The following ZNF426 variants were observed in gnomAD, a reference collection of about 807,000 sequenced individuals.
The protein encoded by ZNF426 is CTC-543D15.7.
ZNF426 carries 23 observed loss-of-function variants against 24.0 expected under a neutral mutation model. The observed-to-expected ratio is 0.96, with a 90% CI of 0.69 to 1.36. The LOEUF is 1.36. Among genes scored for constraint, ZNF426 ranks in the 40% most tolerant of loss-of-function variants. The pLI, the probability that ZNF426 is intolerant of heterozygous loss-of-function variation, is 0.00. For synonymous variants in ZNF426, 272 were observed against 224.6 expected (o/e 1.21, Z -1.89); for missense variants, 646 against 658.4 (o/e 0.98, Z 0.21).
chr19:9,535,203 T>C lies in ZNF426; in HGVS notation c.102A>G (p.Leu34=), dbSNP rs774574130. Residue 34 remains leucine (L), a synonymous_variant, in exon 4 of 8, where the codon CTA becomes CTG. Coordinates refer to ENST00000253115, the MANE Select transcript of ZNF426 (RefSeq NM_024106.3). ...TPAGRIVADC[L]TDCYQDSVTF... ...TGCTTTTTACCTGATAACAATCTGTTAGGCAGTCAGCCACTATTCTTCCTG... is the reference window on the plus strand; with the variant it reads ...TGCTTTTTACCTGATAACAATCTGTCAGGCAGTCAGCCACTATTCTTCCTG... The C allele has an allele frequency of 2.5e-6, 4 of 1,613,276 alleles. No homozygotes were observed. The East Asian group carries it at 6.7e-5, about 27-fold the overall frequency.
In ZNF426 at chr19:9,532,924, T is replaced by A; in HGVS notation, c.246A>T (p.Gly82=). 2 of 1,612,634 alleles carry A rather than the reference T, an allele frequency of 1.2e-6. No individual in the cohort carries two copies. Among genetic ancestry groups the A allele is most frequent in the Non-Finnish European group, 8.5e-7 (1 of 1,178,778 alleles). ...LENYKNLATV[G]GQIIKPSLIS... ...TTAGACTGGGTTTGATGATCTGACC[T>A]CCTGAGCACAGAGAAATACATTAAT... Residue 82 remains glycine, a splice_region_variant and synonymous_variant, in exon 6 of 8, where the codon GGA becomes GGT. Coordinates refer to ENST00000253115, the MANE Select transcript of ZNF426 (RefSeq NM_024106.3).
intron 3 of ZNF426, 57 bp from the exon 4 acceptor site, chr19:9,535,336 T>C (rs1488186519): frequency 3.9e-6 from 5 of 1,265,988 alleles, no homozygotes; most frequent in Admixed American, 1.9e-5. Flanking sequence ...CACATCCACC[T>C]ACCTAGAGGT....
In ZNF426 at chr19:9,529,590, C is replaced by G; in HGVS notation, c.455G>C (p.Gly152Ala). 1 of 1,605,404 alleles carries G rather than the reference C, an allele frequency of 6.2e-7. No individual in the cohort carries two copies. The highest frequency in any genetic ancestry group is 8.5e-7 in the Non-Finnish European group (1 of 1,179,458). Residue 152 changes from glycine to alanine, a missense_variant, in exon 8 of 8, where the codon GGA (glycine) becomes GCA (alanine). Gly to Ala is a moderately conservative substitution (Grantham distance 60, BLOSUM62 0). Coordinates refer to ENST00000253115, the MANE Select transcript of ZNF426 (RefSeq NM_024106.3). ...GCATGAGTGTTCACTGAAGACTTCT[C>G]CACATTGCTCACAGTCACAGAGTTC... ...GRELCDCEQCGEVFSEHSCLK... is the reference protein window; with the variant it reads ...GRELCDCEQCAEVFSEHSCLK...
At chr19:9,530,708 A>G (rs1211667536) in intron 7 of ZNF426, among the ~76,000 whole-genome samples, 1 of 152,002 alleles carries the variant, frequency 6.6e-6, no homozygotes, top group Non-Finnish European at 1.5e-5. Context: ...GACTATACTG[A>G]GCCATGATTG....
rs1358952978 is a variant in ZNF426 at position 9,523,957 on chromosome 19, C to T, written c.*4423G>A. On this transcript the variant is annotated 3_prime_UTR_variant, in exon 8 of 8. Transcript: ENST00000253115. The stretch of plus-strand genomic sequence containing the variant: ...TTATTATAGTCATCAAGTTATTCTC[C>T]AGCATACATTGCATATGAATATTAA... 6.6e-6 allele frequency: 1 copy of T among 152,236 alleles called. No homozygotes were observed. Among genetic ancestry groups the T allele is most frequent in the African/African-American group, 2.4e-5 (1 of 41,454 alleles). The allele number at this position is 152,236 out of a possible 1,614,324, so 9.4% of individuals were successfully genotyped here. A position where few individuals can be genotyped will look rare whatever the true frequency, so the allele number is the denominator to read the frequency against.
Position 9,529,888 on chromosome 19 carries a change from T to TG in ZNF426, c.409-253dup, listed in dbSNP as rs1279536257. On this transcript the variant is annotated intron_variant, in intron 7 of 7. Transcript: ENST00000253115. ...TAATCCCAGCACTTTGGGAGTCCGA[T>TG]GGGGGGCAGATCACCTGAGGTCAGG... Among the ~76,000 whole-genome samples the TG allele has an allele frequency of 6.6e-5, 10 of 151,464 alleles. No individual in the cohort carries two copies. The South Asian group carries it at 2.1e-3, about 32-fold the overall frequency.
rs2073792810 is a variant in ZNF426 at position 9,526,459 on chromosome 19, T to C, written c.*1921A>G. ...AGAACCACAAAGAAATGCTAGAAATTGAAGACAGTGTAACAGAAATGAAGA... is the reference window on the plus strand; with the variant it reads ...AGAACCACAAAGAAATGCTAGAAATCGAAGACAGTGTAACAGAAATGAAGA... On this transcript the variant is annotated 3_prime_UTR_variant, in exon 8 of 8. Coordinates refer to ENST00000253115, the MANE Select transcript of ZNF426 (RefSeq NM_024106.3). The C allele has an allele frequency of 1.3e-5, 2 of 151,980 alleles. No homozygotes were observed. Among genetic ancestry groups the C allele is most frequent in the Non-Finnish European group, 2.9e-5 (2 of 68,020 alleles). The allele number at this position is 151,980 out of a possible 1,614,324, so 9.4% of individuals were successfully genotyped here.
chr19:9,536,128 C>A, intron 3 of ZNF426, 80 bp downstream of exon 3: 5 of 1,586,820 alleles, frequency 3.2e-6, no homozygotes, highest in Non-Finnish European at 4.3e-6. Context: ...GCAACATGAC[C>A]AGCTGCCCAA....
intron 2 of ZNF426, among the ~76,000 whole-genome samples, chr19:9,537,629 T>C (rs1436956765): frequency 4.0e-5 from 6 of 151,598 alleles, no homozygotes. Flanking sequence ...TCAATGTAGC[T>C]TAAAATGCAC....
chr19:9,528,862 C>T lies in ZNF426; in HGVS notation c.1183G>A (p.Val395Ile). The change falls in exon 8 of 8, where the codon GTT (valine) becomes ATT (isoleucine). Residue 395 changes from valine to isoleucine, a missense_variant. By Grantham distance (29) the Val-to-Ile change is conservative. Coordinates refer to ENST00000253115, the MANE Select transcript of ZNF426 (RefSeq NM_024106.3). Reference protein sequence around the residue: ...THTGEKPFVCVECGKAFAVSS... With the variant: ...THTGEKPFVCIECGKAFAVSS... The stretch of plus-strand genomic sequence containing the variant: ...ACTGCAAAGGCTTTCCCACATTCAA[C>T]ACATACAAAAGGCTTCTCTCCAGTG... 4 of 1,613,578 alleles carry T rather than the reference C, an allele frequency of 2.5e-6. No homozygotes were observed. The highest frequency in any genetic ancestry group is 3.4e-6 in the Non-Finnish European group (4 of 1,179,902).
At chr19:9,531,956 G>A (rs781537614) in intron 6 of ZNF426, among the ~76,000 whole-genome samples, 8 of 152,184 alleles carry the variant, frequency 5.3e-5, no homozygotes, top group Non-Finnish European at 1.2e-4. Context: ...TTGCACTCCA[G>A]CCTGGGCGAC....
rs375082926 is a variant in ZNF426, at chr19:9,529,160, G to T, written c.885C>A (p.Leu295=). 1.2e-6 allele frequency: 2 copies of T among 1,614,044 alleles called. No homozygotes were observed. Among genetic ancestry groups the T allele is most frequent in the African/African-American group, 2.7e-5 (2 of 74,906 alleles). ...CAGTGTGGGTTCGCATGTGAATACTGAGGTAGGCTGGGTATCTATAGCCTT... is the reference window on the plus strand; with the variant it reads ...CAGTGTGGGTTCGCATGTGAATACTTAGGTAGGCTGGGTATCTATAGCCTT... ...CGKGYRYPAY[L]SIHMRTHTGE... Residue 295 remains leucine, a synonymous_variant, in exon 8 of 8, where the codon CTC becomes CTA. Transcript: ENST00000253115.
At chr19:9,530,772 CCAAAA>C (rs1191577863) in intron 7 of ZNF426, among the ~76,000 whole-genome samples, 2 of 151,964 alleles carry the variant, frequency 1.3e-5, no homozygotes, top group South Asian at 4.2e-4. Context: ...CAAAAAAACA[CCAAAA>C]CAAAACTCAA....
chr19:9,534,593 C>CT (rs571095790), intron 4 of ZNF426, among the ~76,000 whole-genome samples: 29 of 148,548 alleles, frequency 2.0e-4, no homozygotes, highest in East Asian at 4.0e-4. Flanking sequence ...TTAAAGGACA[C>CT]TTTTTTTTTT....
At chr19:9,536,609 C>T in intron 2 of ZNF426, 1 of 268,500 alleles carries the variant, frequency 3.7e-6, no homozygotes, top group South Asian at 4.5e-5. Flanking sequence ...AATGCAAGTA[C>T]AAGTTTTGCA....
chr19:9,523,327 G>C lies in ZNF426; in HGVS notation c.*5053C>G, dbSNP rs1164487554. 6.6e-6 allele frequency: 1 copy of C among 152,076 alleles called. No individual in the cohort carries two copies. The highest frequency in any genetic ancestry group is 1.5e-5 in the Non-Finnish European group (1 of 68,016). The allele number at this position is 152,076 out of a possible 1,614,324, so 9.4% of individuals were successfully genotyped here. A position where few individuals can be genotyped will look rare whatever the true frequency, so the allele number is the denominator to read the frequency against. ...TCCTCTATAATGAGCCTTAAAAGAA[G>C]GATCTCCTCCAGGAATCTCTCTTTG... is the stretch of plus-strand genomic sequence containing the variant. On this transcript the variant is annotated 3_prime_UTR_variant, in exon 8 of 8. Coordinates refer to ENST00000253115, the MANE Select transcript of ZNF426 (RefSeq NM_024106.3).
Position 9,529,038 on chromosome 19 carries a change from T to G in ZNF426, c.1007A>C (p.Tyr336Ser). The G allele has an allele frequency of 6.2e-7, 1 of 1,613,530 alleles. No individual in the cohort carries two copies. The highest frequency in any genetic ancestry group is 8.5e-7 in the Non-Finnish European group (1 of 1,179,762). ...GGCTTTCCCACATTCCTTACATACA[T>G]AGGGTTTCTCTCCAGTGTGAGTTCT... ...HGRTHTGEKP[Y>S]VCKECGKAFT... The change falls in exon 8 of 8, where the codon TAT becomes TCT. Residue 336 changes from tyrosine (Y) to serine (S), a missense_variant. Transcript: ENST00000253115.
intron 3 of ZNF426, among the ~76,000 whole-genome samples, chr19:9,535,910 C>T (rs733102): frequency 0.17 from 26,295 of 151,662 alleles, 3,611 homozygotes; most frequent in African/African-American, 0.38. Flanking sequence ...CAGTCCTAAA[C>T]GTGATGATGA....
At chr19:9,532,512 G>A (rs1384682001) in intron 6 of ZNF426, among the ~76,000 whole-genome samples, 2 of 151,836 alleles carry the variant, frequency 1.3e-5, no homozygotes, top group Non-Finnish European at 2.9e-5. Context: ...TGCCCAGGCT[G>A]GTCTTGAACT....
Sources: allele counts gnomAD v4.1 joint callset (sites outside exome capture counted in the v4.1 genomes callset), GRCh38; gene constraint gnomAD v4.1.1; transcripts MANE v1.5; gene names NCBI Gene and HGNC (gene_info 2026-07-23, HGNC 2026-07-21).